Variants in CCNB1 observed in about 807,000 individuals in gnomAD.
The protein encoded by CCNB1 is cyclin B1.
Under a neutral mutation model 44.4 loss-of-function variants are expected in CCNB1, and 26 were observed. The ratio of observed to expected loss-of-function variants is 0.59; its 90% confidence interval spans 0.43 to 0.81. CCNB1 has a LOEUF of 0.81. CCNB1 is among the 40% of genes least tolerant of loss of function. The pLI is 0.00. For synonymous variants in CCNB1, 195 were observed against 181.4 expected (o/e 1.08, Z -0.60); for missense variants, 477 against 520.9 (o/e 0.92, Z 0.82).
chr5:69,177,203 G>T (rs151036627), intron 7 of CCNB1, 36 bp from the exon 8 acceptor site: 1 of 1,180,778 alleles, frequency 8.5e-7, no homozygotes, highest in East Asian at 2.4e-5. Flanking sequence ...AATCATTATT[G>T]ATTTGAGCAT....
At position 69,174,975 on chromosome 5, in the gene CCNB1, CT is replaced by C. The variant is rs1747550493; in HGVS notation, c.807del (p.Phe269LeufsTer4). The C allele has an allele frequency of 1.2e-6, 2 of 1,614,130 alleles. No homozygotes were observed. Among genetic ancestry groups the C allele is most frequent in the Non-Finnish European group, 1.7e-6 (2 of 1,180,012 alleles). Reference sequence around the variant, plus strand: ...AAATGTACCCTCCAGAAATTGGTGACTTTGCTTTTGTGACTGACAACACTTA... The same window carrying C: ...AAATGTACCCTCCAGAAATTGGTGACTTGCTTTTGTGACTGACAACACTTA... ...EEMYPPEIGD[F>X]AFVTDNTYTK... is the part of the protein sequence containing the mutation. On this transcript the variant is annotated frameshift_variant, in exon 6 of 9. Transcript: ENST00000256442. LOFTEE classifies it high-confidence loss of function.
chr5:69,174,179 A>C, intron 4 of CCNB1, 72 bp from the exon 5 acceptor site: 1 of 1,378,504 alleles, frequency 7.3e-7, no homozygotes, highest in Admixed American at 1.8e-5. Flanking sequence ...GTAGGAACTA[A>C]CTGATCTTTC....
At chr5:69,173,762 CT>C (rs897868231) in intron 4 of CCNB1, among the ~76,000 whole-genome samples, 1 of 151,314 alleles carries the variant, frequency 6.6e-6, no homozygotes. Flanking sequence ...TAATGTTTGC[CT>C]TTTTTTTCTT....
Position 69,167,564 on chromosome 5 carries a change from GAT to G in CCNB1, c.21+283_21+284del. ...TCGACTGGGAACCTTTTGAAAAAGT[GAT>G]AGAGGGTCCCTGAGTGGGCCCGCCA... On this transcript the variant is annotated intron_variant, in intron 1 of 8. Coordinates refer to ENST00000256442, the MANE Select transcript of CCNB1 (RefSeq NM_031966.4). 9.4e-6 allele frequency: 5 copies of G among 531,790 alleles called. 1 individual carries two copies. In the South Asian group the frequency reaches 1.2e-4, roughly 13 times the overall value. The allele number at this position is 531,790 out of a possible 1,614,324, so 32.9% of individuals were successfully genotyped here. A position where few individuals can be genotyped will look rare whatever the true frequency, so the allele number is the denominator to read the frequency against.
At position 69,174,978 on chromosome 5, in the gene CCNB1, T is replaced by A. The variant is rs762102951; in HGVS notation, c.807T>A (p.Phe269Leu). 4 of 1,614,096 alleles carry A rather than the reference T, an allele frequency of 2.5e-6. No homozygotes were observed. The highest frequency in any genetic ancestry group is 2.5e-6 in the Non-Finnish European group (3 of 1,180,030). Residue 269 changes from phenylalanine (F) to leucine (L), a missense_variant, in exon 6 of 9, where the codon TTT becomes TTA. By Grantham distance (22) the Phe-to-Leu change is conservative (BLOSUM62 0). Coordinates refer to ENST00000256442, the MANE Select transcript of CCNB1 (RefSeq NM_031966.4). ...TGTACCCTCCAGAAATTGGTGACTT[T>A]GCTTTTGTGACTGACAACACTTATA... Reference protein sequence around the residue: ...EEMYPPEIGDFAFVTDNTYTK... With the variant: ...EEMYPPEIGDLAFVTDNTYTK...
chr5:69,170,068 A>G (rs1004806961), intron 3 of CCNB1, among the ~76,000 whole-genome samples: 8 of 151,914 alleles, frequency 5.3e-5, no homozygotes, highest in Non-Finnish European at 1.2e-4. Flanking sequence ...GGTTCAAGCA[A>G]TTCTCTTGCC....
Position 69,167,179 on chromosome 5 carries a change from T to G in CCNB1, c.-84T>G, listed in dbSNP as rs1288116764. On this transcript the variant is annotated 5_prime_UTR_variant, in exon 1 of 9. Transcript: ENST00000256442. Reference sequence around the variant, plus strand: ...TGCTGCGGCGGAACGGCTGTTGGTTTCTGCTGGGTGTAGGTCCTTGGCTGG... The same window carrying G: ...TGCTGCGGCGGAACGGCTGTTGGTTGCTGCTGGGTGTAGGTCCTTGGCTGG... The G allele has an allele frequency of 1.2e-5, 15 of 1,221,706 alleles. No individual in the cohort carries two copies. Among genetic ancestry groups the G allele is most frequent in the Non-Finnish European group, 1.7e-5 (15 of 886,262 alleles). The allele number at this position is 1,221,706 out of a possible 1,614,324, so 75.7% of individuals were successfully genotyped here.
intron 7 of CCNB1, 32 bp downstream of exon 7, chr5:69,175,569 T>C: frequency 6.3e-7 from 1 of 1,599,686 alleles, no homozygotes; most frequent in Non-Finnish European, 8.5e-7. Context: ...TCCTAAGCTT[T>C]TAAATTTTAA....
At chr5:69,173,787 G>A (rs145281490) in intron 4 of CCNB1, among the ~76,000 whole-genome samples, 21 of 150,510 alleles carry the variant, frequency 1.4e-4, no homozygotes, top group African/African-American at 4.9e-4. Context: ...TTTTTGGGGT[G>A]GGGAGACAGT....
chr5:69,177,027 G>C (rs1007258858), intron 7 of CCNB1: 1 of 400,192 alleles, frequency 2.5e-6, no homozygotes, highest in Non-Finnish European at 4.5e-6. Context: ...TTTTAGGGTG[G>C]GCAAGTCAGC....
At position 69,169,093 on chromosome 5, in the gene CCNB1, CAG is replaced by C. The variant is rs1323695493; in HGVS notation, c.363+753_363+754del. Among the ~76,000 whole-genome samples, 16 of 152,176 alleles carry C rather than the reference CAG, an allele frequency of 1.1e-4. No individual in the cohort carries two copies. In the East Asian group the frequency reaches 2.7e-3, roughly 26 times the overall value. On this transcript the variant is annotated intron_variant, in intron 3 of 8. Coordinates refer to ENST00000256442, the MANE Select transcript of CCNB1 (RefSeq NM_031966.4). ...ATTATCTGAAAAAAACTTGTTGAGA[CAG>C]AGTCTGGCTCTGTTGCCCAGGCTGG...
At position 69,167,251 on chromosome 5, in the gene CCNB1, G is replaced by A. The variant is rs375856349; in HGVS notation, c.-12G>A. On this transcript the variant is annotated 5_prime_UTR_variant, in exon 1 of 9. Coordinates refer to ENST00000256442, the MANE Select transcript of CCNB1 (RefSeq NM_031966.4). ...TCTCCCCGCTGAGCTGCTGCCTGGT[G>A]AAGAGGAAGCCATGGCGCTCCGAGT... The A allele has an allele frequency of 6.7e-5, 106 of 1,570,672 alleles. No individual in the cohort carries two copies. Among genetic ancestry groups the A allele is most frequent in the Middle Eastern group, 2.3e-4 (1 of 4,304 alleles).
At chr5:69,167,724 T>A (rs1159220713) in intron 1 of CCNB1, among the ~76,000 whole-genome samples, 184 bp from the exon 2 acceptor site, 1 of 152,138 alleles carries the variant, frequency 6.6e-6, no homozygotes, top group Non-Finnish European at 1.5e-5. Flanking sequence ...TTGGTAAATG[T>A]AGAGGTCGGC....
At position 69,177,707 on chromosome 5, in the gene CCNB1, C is replaced by A. The variant is rs1240947742; in HGVS notation, c.*76C>A. ...GTGCCATCTGTACATATTACTGTTGCATTTACTTTTAATAAAGCTTGTGGC... is the reference window on the plus strand; with the variant it reads ...GTGCCATCTGTACATATTACTGTTGAATTTACTTTTAATAAAGCTTGTGGC... On this transcript the variant is annotated 3_prime_UTR_variant, in exon 9 of 9. Transcript: ENST00000256442. The A allele has an allele frequency of 1.2e-6, 1 of 835,712 alleles. No individual in the cohort carries two copies. 51.8% of individuals were successfully genotyped at this position (835,712 alleles called of 1,614,324 possible). A position where few individuals can be genotyped will look rare whatever the true frequency, so the allele number is the denominator to read the frequency against.
Position 69,177,921 on chromosome 5 carries a change from T to G in CCNB1, c.*290T>G. On this transcript the variant is annotated 3_prime_UTR_variant, in exon 9 of 9. Coordinates refer to ENST00000256442, the MANE Select transcript of CCNB1 (RefSeq NM_031966.4). ...TTTATATACCTGGCTTTTACTTTAT[T>G]AATATGAGTTACTGAAGGTGATGGA... The G allele has an allele frequency of 4.1e-6, 1 of 243,190 alleles. No homozygotes were observed. Among genetic ancestry groups the G allele is most frequent in the Non-Finnish European group, 8.0e-6 (1 of 125,510 alleles). 15.1% of individuals were successfully genotyped at this position (243,190 alleles called of 1,614,324 possible).
intron 7 of CCNB1, among the ~76,000 whole-genome samples, chr5:69,176,481 C>T (rs1016007546): frequency 1.3e-5 from 2 of 151,178 alleles, no homozygotes; most frequent in African/African-American, 4.8e-5. Flanking sequence ...CTCAGCCTCC[C>T]GAGTAGCTGG....
Position 69,174,969 on chromosome 5 carries a change from T to G in CCNB1, c.798T>G (p.Ile266Met). The change falls in exon 6 of 9, where the codon ATT becomes ATG. Residue 266 changes from isoleucine (I) to methionine (M), a missense_variant. By Grantham distance (10) the Ile-to-Met change is conservative (BLOSUM62 1). Coordinates refer to ENST00000256442, the MANE Select transcript of CCNB1 (RefSeq NM_031966.4). ...SKYEEMYPPE[I>M]GDFAFVTDNT... ...ATGAAGAAATGTACCCTCCAGAAATTGGTGACTTTGCTTTTGTGACTGACA... is the reference window on the plus strand; with the variant it reads ...ATGAAGAAATGTACCCTCCAGAAATGGGTGACTTTGCTTTTGTGACTGACA... 1.2e-6 allele frequency: 2 copies of G among 1,614,170 alleles called. No individual in the cohort carries two copies. Among genetic ancestry groups the G allele is most frequent in the Non-Finnish European group, 1.7e-6 (2 of 1,180,012 alleles).
chr5:69,172,550 C>T (rs571007918), intron 4 of CCNB1, among the ~76,000 whole-genome samples: 1 of 152,060 alleles, frequency 6.6e-6, no homozygotes, highest in African/African-American at 2.4e-5. Context: ...AGCAACCGCA[C>T]CCAGCCCCCA....
intron 3 of CCNB1, among the ~76,000 whole-genome samples, chr5:69,170,608 T>G (rs1747438527): frequency 6.6e-6 from 1 of 152,164 alleles, no homozygotes; most frequent in Non-Finnish European, 1.5e-5. Context: ...GTGAATTTAT[T>G]TGCTTCCAAC....
Sources: gnomAD v4.1 joint callset for allele counts (sites outside exome capture counted in the v4.1 genomes callset) on GRCh38, gnomAD v4.1.1 for gene constraint, MANE v1.5 for transcripts, NCBI Gene and HGNC (gene_info 2026-07-23, HGNC 2026-07-21) for gene names.